The following ZDHHC11 variants were observed in gnomAD, a reference collection of about 807,000 sequenced individuals.
ZDHHC11 encodes the protein zDHHC palmitoyltransferase 11.
A neutral mutation model predicts 51.3 loss-of-function variants in ZDHHC11; 44 were observed. The observed-to-expected ratio is 0.86, with a 90% CI of 0.67 to 1.10. ZDHHC11 has a LOEUF of 1.10. ZDHHC11 is among the 50% of genes least tolerant of loss of function. ZDHHC11 has a pLI of 0.00. For missense variants in ZDHHC11, 400 were observed against 537.7 expected, an observed-to-expected ratio of 0.74 and a Z score of 2.53; for synonymous variants, 163 against 222.0, an observed-to-expected ratio of 0.73 and a Z score of 2.36.
intron 3 of ZDHHC11, among the ~76,000 whole-genome samples, chr5:844,428 G>T (rs1262792136): frequency 6.6e-6 from 1 of 152,300 alleles, no homozygotes; most frequent in African/African-American, 2.4e-5. Flanking sequence ...GAGCATGAGG[G>T]TCACACGGCG....
At chr5:806,417 C>G (rs1739264314) in intron 11 of ZDHHC11, among the ~76,000 whole-genome samples, 2 of 151,124 alleles carry the variant, frequency 1.3e-5, no homozygotes, top group African/African-American at 4.9e-5. Flanking sequence ...TCTTAGCTCT[C>G]AAAATCAAAA....
chr5:856,590 G>A (rs888104285), intron 1 of ZDHHC11, among the ~76,000 whole-genome samples: 9 of 131,302 alleles, frequency 6.9e-5, no homozygotes, highest in African/African-American at 1.4e-4. Context: ...CAAACCACAC[G>A]CACACACCTC....
At chr5:819,411 G>T in intron 10 of ZDHHC11, 114 bp downstream of exon 10, 1 of 1,141,642 alleles carries the variant, frequency 8.8e-7, no homozygotes. Flanking sequence ...AGCACCCTTG[G>T]ACACAGAGTG....
Position 803,736 on chromosome 5 carries a change from G to T in ZDHHC11, c.1182-2572C>A, listed in dbSNP as rs543251741. Among the ~76,000 whole-genome samples, 141 of 150,960 alleles carry T rather than the reference G, an allele frequency of 9.3e-4. 3 individuals are homozygous for T. In the South Asian group the frequency reaches 0.015, roughly 16 times the overall value. On this transcript the variant is annotated intron_variant, in intron 11 of 12. Transcript: ENST00000283441. The stretch of plus-strand genomic sequence containing the variant: ...AAATATGCTCAGTAAACTACAGGAA[G>T]TCACTGACAACTAAATAAAGTAGGA...
chr5:833,589 C>T (rs1361702592), intron 7 of ZDHHC11, among the ~76,000 whole-genome samples, 184 bp downstream of exon 7: 1 of 150,890 alleles, frequency 6.6e-6, no homozygotes, highest in Non-Finnish European at 1.5e-5. Context: ...ACAAGCACAT[C>T]GAGATAGATA....
At chr5:841,528 G>A in intron 4 of ZDHHC11, 1 of 997,776 alleles carries the variant, frequency 1.0e-6, no homozygotes, top group Non-Finnish European at 1.2e-6. Flanking sequence ...CAGGGTCACG[G>A]TGCCCACCCC....
chr5:805,176 C>T (rs1177028228), intron 11 of ZDHHC11, among the ~76,000 whole-genome samples: 6 of 151,502 alleles, frequency 4.0e-5, no homozygotes, highest in African/African-American at 1.5e-4. Context: ...TAGTGGCTTA[C>T]TCCTGTAATC....
intron 11 of ZDHHC11, among the ~76,000 whole-genome samples, chr5:804,562 T>A (rs1738975910): frequency 6.6e-6 from 1 of 151,268 alleles, no homozygotes; most frequent in Admixed American, 6.6e-5. Context: ...TACAGTTAGA[T>A]TGTTAAGGCA....
chr5:807,459 G>A (rs1739435832), intron 11 of ZDHHC11, among the ~76,000 whole-genome samples: 1 of 151,444 alleles, frequency 6.6e-6, no homozygotes, highest in Non-Finnish European at 1.5e-5. Flanking sequence ...TGTTGTTGGT[G>A]CTTCCTCCAC....
intron 1 of ZDHHC11, among the ~76,000 whole-genome samples, chr5:848,948 C>G (rs1226462802): frequency 2.0e-5 from 3 of 151,866 alleles, no homozygotes; most frequent in Non-Finnish European, 4.4e-5. Flanking sequence ...CCTGCACACC[C>G]AGCCCTGCTC....
chr5:845,521 A>G (rs1393271937), intron 3 of ZDHHC11, among the ~76,000 whole-genome samples: 4 of 152,216 alleles, frequency 2.6e-5, no homozygotes, highest in South Asian at 2.1e-4. Flanking sequence ...GTCCGAGGCC[A>G]GCGCTCACAG....
rs1489243426 is a variant in ZDHHC11, at chr5:824,185, G to A, written c.1023+979C>T. ...CAAAAGGACCAGCCTGCGGCCTGGC[G>A]TGGTGGCTCACGCCTCTAATCCCTG... On this transcript the variant is annotated intron_variant, in intron 8 of 12. Coordinates refer to ENST00000283441, the MANE Select transcript of ZDHHC11 (RefSeq NM_024786.3). 3.3e-5 allele frequency: 14 copies of A among 425,246 alleles called. 1 individual carries two copies. Among genetic ancestry groups the A allele is most frequent in the Middle Eastern group, 3.4e-4 (1 of 2,944 alleles). The allele number at this position is 425,246 out of a possible 1,614,324, so 26.3% of individuals were successfully genotyped here.
At chr5:851,433 G>C (rs181226009), upstream of ZDHHC11, among the ~76,000 whole-genome samples, 7 of 152,294 alleles carry the variant, frequency 4.6e-5, no homozygotes, top group East Asian at 1.4e-3. Flanking sequence ...TTGAGGGGCT[G>C]GGCGGTCTCT....
chr5:844,943 A>C (rs1195641068), intron 3 of ZDHHC11, among the ~76,000 whole-genome samples: 1 of 152,306 alleles, frequency 6.6e-6, no homozygotes, highest in Admixed American at 6.5e-5. Flanking sequence ...TGCCATGATG[A>C]TATTTTTTTA....
At chr5:849,025 C>T (rs1287641836) in intron 1 of ZDHHC11, among the ~76,000 whole-genome samples, 4 of 151,370 alleles carry the variant, frequency 2.6e-5, no homozygotes, top group South Asian at 2.1e-4. Context: ...CTTGCACACA[C>T]GGCCCTATAC....
upstream of ZDHHC11, among the ~76,000 whole-genome samples, chr5:855,908 A>AC (rs1250393383): frequency 6.7e-6 from 1 of 149,204 alleles, no homozygotes; most frequent in Non-Finnish European, 1.5e-5. Flanking sequence ...GTGGGGATAG[A>AC]CCCCACCGAG....
Position 840,553 on chromosome 5 carries a change from C to T in ZDHHC11, c.726G>A (p.Leu242=). Reference sequence around the variant, plus strand: ...GGTGCACCAAGCCAAGAAAGTCCAGCAGGAGCACGAGCATCCCGATGATCA... The same window carrying T: ...GGTGCACCAAGCCAAGAAAGTCCAGTAGGAGCACGAGCATCCCGATGATCA... ...IVVIIGMLVL[L]LDFLGLVHLG... is the part of the protein sequence containing the mutation. The change falls in exon 5 of 13, where the codon CTG becomes CTA. Residue 242 remains leucine (L), a synonymous_variant. Coordinates refer to ENST00000283441, the MANE Select transcript of ZDHHC11 (RefSeq NM_024786.3). 6.2e-7 allele frequency: 1 copy of T among 1,613,874 alleles called. No homozygotes were observed.
chr5:819,088 A>G (rs1741222276), intron 10 of ZDHHC11, among the ~76,000 whole-genome samples: 1 of 151,536 alleles, frequency 6.6e-6, no homozygotes. Context: ...CCACAAACAC[A>G]TCTCTATTCC....
At chr5:815,729 T>G (rs1375006303) in intron 10 of ZDHHC11, among the ~76,000 whole-genome samples, 1 of 151,572 alleles carries the variant, frequency 6.6e-6, no homozygotes, top group East Asian at 1.9e-4. Flanking sequence ...CAGCAATGGA[T>G]GAGACTTCCA....
Sources: gnomAD v4.1 joint callset for allele counts (sites outside exome capture counted in the v4.1 genomes callset) on GRCh38, gnomAD v4.1.1 for gene constraint, MANE v1.5 for transcripts, NCBI Gene and HGNC (gene_info 2026-07-23, HGNC 2026-07-21) for gene names.